The following LRRC4C variants were observed in gnomAD, a reference collection of about 807,000 sequenced individuals.
The protein encoded by LRRC4C is leucine rich repeat containing 4C.
Under a neutral mutation model 33.6 loss-of-function variants are expected in LRRC4C, and 5 were observed. That is an observed-to-expected ratio of 0.15 (90% CI 0.08 to 0.31). The LOEUF (loss-of-function observed/expected upper bound fraction) is 0.31, where lower values mean the gene tolerates loss of function less well. LRRC4C is among the 10% of genes least tolerant of loss of function. LRRC4C has a pLI of 1.00. For synonymous variants in LRRC4C, 329 were observed against 302.0 expected (o/e 1.09, Z -0.93); for missense variants, 560 against 796.7 (o/e 0.70, Z 3.58).
At chr11:41,442,470 T>C (rs1174906456) in intron 1 of LRRC4C, among the ~76,000 whole-genome samples, 4 of 124,206 alleles carry the variant, frequency 3.2e-5, no homozygotes, top group South Asian at 5.9e-4. Flanking sequence ...TTTTTTTTTT[T>C]TTTTTTTTTT....
intron 3 of LRRC4C, among the ~76,000 whole-genome samples, chr11:40,401,387 C>T (rs1033850992): frequency 2.0e-5 from 3 of 152,034 alleles, no homozygotes; most frequent in African/African-American, 7.2e-5. Flanking sequence ...TGCGTTTACT[C>T]TGAATTCACT....
intron 2 of LRRC4C, among the ~76,000 whole-genome samples, chr11:40,880,304 C>T (rs1030214710): frequency 9.9e-5 from 15 of 151,876 alleles, no homozygotes; most frequent in African/African-American, 3.1e-4. Flanking sequence ...TAATTAATCC[C>T]CCCGGTAAAT....
intron 3 of LRRC4C, among the ~76,000 whole-genome samples, chr11:40,625,612 G>A (rs114181037): frequency 0.02 from 2,999 of 152,118 alleles, 93 homozygotes; most frequent in African/African-American, 0.069. Context: ...GGACACAGCC[G>A]AACCATATCA....
intron 3 of LRRC4C, among the ~76,000 whole-genome samples, chr11:40,339,509 A>G (rs1294927144): frequency 2.6e-5 from 4 of 152,172 alleles, no homozygotes. Context: ...AAGCAGGTAT[A>G]TTTACTGCAT....
intron 3 of LRRC4C, among the ~76,000 whole-genome samples, chr11:40,351,825 T>G (rs975644076): frequency 1.3e-5 from 2 of 152,136 alleles, no homozygotes; most frequent in Non-Finnish European, 2.9e-5. Flanking sequence ...CTGTTTTGTC[T>G]AATATAAGTG....
At chr11:41,101,155 G>C (rs904809814) in intron 1 of LRRC4C, among the ~76,000 whole-genome samples, 3 of 152,048 alleles carry the variant, frequency 2.0e-5, no homozygotes, top group Non-Finnish European at 4.4e-5. Flanking sequence ...TGACAAATAG[G>C]ATCTAATAAA....
chr11:41,217,165 A>G (rs1292463527), intron 1 of LRRC4C, among the ~76,000 whole-genome samples: 4 of 152,224 alleles, frequency 2.6e-5, no homozygotes, highest in African/African-American at 7.2e-5. Flanking sequence ...TGAATGGACT[A>G]TAACAACACC....
intron 3 of LRRC4C, among the ~76,000 whole-genome samples, chr11:40,358,161 A>G (rs1469109847): frequency 6.7e-6 from 1 of 149,950 alleles, no homozygotes; most frequent in African/African-American, 2.5e-5. Context: ...CCAGCCTGGG[A>G]GAGAGAGAGA....
rs369111805 is a variant in LRRC4C at position 40,391,865 on chromosome 11, A to G, written c.-269-72144T>C. On this transcript the variant is annotated intron_variant, in intron 3 of 6. Coordinates refer to ENST00000528697, the MANE Select transcript of LRRC4C (RefSeq NM_001258419.2). ...CTGCGAATGTTCCTAGCAGCTTTAA[A>G]CATAATTGCCTAAAATTGGAAACAA... is the stretch of plus-strand genomic sequence containing the variant. 3.2e-4 allele frequency among the ~76,000 whole-genome samples: 48 copies of G among 152,324 alleles called. No homozygotes were observed. The East Asian group carries it at 8.3e-3, about 26-fold the overall frequency.
At chr11:41,417,174 G>T (rs1480066925) in intron 1 of LRRC4C, among the ~76,000 whole-genome samples, 1 of 152,044 alleles carries the variant, frequency 6.6e-6, no homozygotes, top group Non-Finnish European at 1.5e-5. Context: ...TGCGATGCTA[G>T]CAATCACAGG....
chr11:40,467,265 C>G (rs1408518774), intron 3 of LRRC4C, among the ~76,000 whole-genome samples: 1 of 152,066 alleles, frequency 6.6e-6, no homozygotes, highest in African/African-American at 2.4e-5. Flanking sequence ...AAAATTTCTT[C>G]CTTCTACTCA....
At chr11:40,904,203 A>G (rs1221568935) in intron 2 of LRRC4C, among the ~76,000 whole-genome samples, 15 of 152,104 alleles carry the variant, frequency 9.9e-5, no homozygotes, top group Admixed American at 9.8e-4. Context: ...ATTTCTGAAA[A>G]TCACCTCCTA....
intron 3 of LRRC4C, among the ~76,000 whole-genome samples, chr11:40,418,506 T>A (rs558194354): frequency 1.3e-5 from 2 of 152,346 alleles, no homozygotes; most frequent in East Asian, 3.9e-4. Context: ...TTTTACATTG[T>A]TGGTGGGAAT....
intron 2 of LRRC4C, among the ~76,000 whole-genome samples, chr11:40,815,116 T>C (rs1296308733): frequency 6.6e-6 from 1 of 152,132 alleles, no homozygotes; most frequent in Non-Finnish European, 1.5e-5. Context: ...ACTTGGTAAT[T>C]TATAAAGGAA....
intron 4 of LRRC4C, among the ~76,000 whole-genome samples, chr11:40,269,921 C>T (rs547046733): frequency 6.6e-5 from 10 of 152,194 alleles, no homozygotes; most frequent in Non-Finnish European, 1.3e-4. Flanking sequence ...GAATCTATTT[C>T]TATTGGAATA....
chr11:40,273,581 T>C (rs1942870550), intron 4 of LRRC4C, among the ~76,000 whole-genome samples: 1 of 152,162 alleles, frequency 6.6e-6, no homozygotes, highest in Non-Finnish European at 1.5e-5. Context: ...ACGATGGATG[T>C]TACTCTATTA....
At chr11:41,262,269 C>T (rs1246886715) in intron 1 of LRRC4C, among the ~76,000 whole-genome samples, 1 of 151,984 alleles carries the variant, frequency 6.6e-6, no homozygotes, top group Admixed American at 6.6e-5. Context: ...TGGCTGCTTA[C>T]ACAGTACAAC....
intron 1 of LRRC4C, among the ~76,000 whole-genome samples, chr11:41,049,903 T>G (rs2138104813): frequency 1.3e-5 from 2 of 152,314 alleles, no homozygotes; most frequent in African/African-American, 4.8e-5. Context: ...CAATTTCTGG[T>G]ACATAGGTGA....
Position 40,495,813 on chromosome 11 carries a change from G to T in LRRC4C, c.-270+152329C>A, listed in dbSNP as rs112480517. The stretch of plus-strand genomic sequence containing the variant: ...TTTTATTGAAGTTCTCAATAAACAT[G>T]TTTTTTTTTTTTTTTTTTTTTTTTT... On this transcript the variant is annotated intron_variant, in intron 3 of 6. Coordinates refer to ENST00000528697, the MANE Select transcript of LRRC4C (RefSeq NM_001258419.2). Among the ~76,000 whole-genome samples the T allele has an allele frequency of 5.3e-3, 358 of 66,960 alleles. 4 individuals are homozygous for T. The highest frequency in any genetic ancestry group is 7.4e-3 in the Non-Finnish European group (268 of 36,070). The allele number at this position is 66,960 out of a possible 152,430, so 43.9% of individuals were successfully genotyped here. A position where few individuals can be genotyped will look rare whatever the true frequency, so the allele number is the denominator to read the frequency against.
Sources: allele counts gnomAD v4.1 joint callset (sites outside exome capture counted in the v4.1 genomes callset), GRCh38; gene constraint gnomAD v4.1.1; transcripts MANE v1.5; gene names NCBI Gene and HGNC (gene_info 2026-07-23, HGNC 2026-07-21).